The following PSMA5 variants were observed in gnomAD, a reference collection of about 807,000 sequenced individuals.
PSMA5 encodes proteasome subunit alpha type-5.
PSMA5 carries 3 observed loss-of-function variants against 34.5 expected under a neutral mutation model. The observed-to-expected ratio is 0.09, with a 90% CI of 0.04 to 0.22. The LOEUF (loss-of-function observed/expected upper bound fraction) is 0.22. PSMA5 is among the 10% of genes least tolerant of loss of function. The probability of loss-of-function intolerance (pLI) is 1.00; values close to 1 mark genes in which losing one functional copy is unlikely to be tolerated. For missense variants in PSMA5, 120 were observed against 286.1 expected (o/e 0.42, Z 4.19); for synonymous variants, 88 against 95.8 (o/e 0.92, Z 0.47).
intron 2 of PSMA5, among the ~76,000 whole-genome samples, chr1:109,418,263 A>T (rs974078495): frequency 6.6e-6 from 1 of 152,136 alleles, no homozygotes; most frequent in Non-Finnish European, 1.5e-5. Context: ...ATCTCCTAAT[A>T]GGTCTAGACC....
At chr1:109,418,816 C>T (rs187772890) in intron 2 of PSMA5, among the ~76,000 whole-genome samples, 97 of 152,146 alleles carry the variant, frequency 6.4e-4, no homozygotes, top group South Asian at 1.9e-3. Flanking sequence ...AAAACAAGAA[C>T]GGGATGCTAA....
At chr1:109,413,445 C>T (rs994977713) in intron 3 of PSMA5, among the ~76,000 whole-genome samples, 6 of 152,128 alleles carry the variant, frequency 3.9e-5, no homozygotes, top group Admixed American at 1.3e-4. Context: ...TCTTTGTAGA[C>T]GATGATACAT....
At chr1:109,406,707 C>T (rs1420225988) in intron 8 of PSMA5, among the ~76,000 whole-genome samples, 1 of 152,008 alleles carries the variant, frequency 6.6e-6, no homozygotes, top group Non-Finnish European at 1.5e-5. Context: ...AATTCTAGAA[C>T]ACAAAACAAA....
At chr1:109,413,207 T>G in intron 3 of PSMA5, 72 bp from the exon 4 acceptor site, 1 of 1,424,154 alleles carries the variant, frequency 7.0e-7, no homozygotes, top group South Asian at 1.2e-5. Flanking sequence ...CAGGAAATCC[T>G]GAAATTCTGG....
At chr1:109,402,588 AATATAT>A (rs1372471338) in intron 8 of PSMA5, among the ~76,000 whole-genome samples, 3 of 152,228 alleles carry the variant, frequency 2.0e-5, no homozygotes, top group Non-Finnish European at 4.4e-5. Flanking sequence ...ATTAAATGTT[AATATAT>A]ATAAAGTGCT....
intron 3 of PSMA5, among the ~76,000 whole-genome samples, chr1:109,413,783 C>T (rs1654093729): frequency 3.3e-5 from 5 of 152,260 alleles, no homozygotes; most frequent in Middle Eastern, 6.8e-3. Context: ...TTCCAGACCC[C>T]GTCTTCTTCC....
intron 6 of PSMA5, 126 bp from the exon 7 acceptor site, chr1:109,411,239 G>C: frequency 1.6e-6 from 1 of 627,684 alleles, no homozygotes; most frequent in Non-Finnish European, 2.8e-6. Context: ...GAAATATTGA[G>C]GCACAGATCT....
chr1:109,424,696 C>A (rs1266120015), intron 1 of PSMA5, among the ~76,000 whole-genome samples: 3 of 150,030 alleles, frequency 2.0e-5, no homozygotes, highest in African/African-American at 7.4e-5. Context: ...ATTGCTTAAA[C>A]CCAGGCGGCA....
intron 1 of PSMA5, among the ~76,000 whole-genome samples, chr1:109,422,572 A>C (rs954113398): frequency 6.0e-5 from 9 of 150,986 alleles, no homozygotes; most frequent in Non-Finnish European, 1.2e-4. Flanking sequence ...TCCTGGGTTC[A>C]AGCAGTTATC....
rs576359604 is a variant in PSMA5 at position 109,399,780 on chromosome 1, C to G, written c.*2233G>C. 1 of 152,104 alleles carries G rather than the reference C, an allele frequency of 6.6e-6. No individual in the cohort carries two copies. The highest frequency in any genetic ancestry group is 6.5e-5 in the Admixed American group (1 of 15,270). The allele number at this position is 152,104 out of a possible 1,614,324, so 9.4% of individuals were successfully genotyped here. ...TTATTTCACTTTTTAAATTGGAAACCCTAGGAACTATATTTCATTTTTGTC... is the reference window on the plus strand; with the variant it reads ...TTATTTCACTTTTTAAATTGGAAACGCTAGGAACTATATTTCATTTTTGTC... On this transcript the variant is annotated 3_prime_UTR_variant, in exon 9 of 9. Coordinates refer to ENST00000271308, the MANE Select transcript of PSMA5 (RefSeq NM_002790.4).
At chr1:109,424,785 G>A (rs192729627) in intron 1 of PSMA5, among the ~76,000 whole-genome samples, 1 of 152,204 alleles carries the variant, frequency 6.6e-6, no homozygotes, top group Admixed American at 6.5e-5. Context: ...TCAAAAGATC[G>A]AGACCATCCT....
Position 109,421,843 on chromosome 1 carries a change from G to A in PSMA5, c.96+17C>T, listed in dbSNP as rs1314590776. On this transcript the variant is annotated intron_variant, in intron 2 of 8. Transcript: ENST00000271308. ...GTAGCCATGAAATTTCAGGACCTAT[G>A]CTACTTGCTACTATACCTTGATAGC... is the stretch of plus-strand genomic sequence containing the variant. 1 of 1,549,188 alleles carries A rather than the reference G, an allele frequency of 6.5e-7. No individual in the cohort carries two copies. The highest frequency in any genetic ancestry group is 8.7e-7 in the Non-Finnish European group (1 of 1,151,274).
chr1:109,401,965 T>C lies in PSMA5; in HGVS notation c.*48A>G. 6 of 1,407,798 alleles carry C rather than the reference T, an allele frequency of 4.3e-6. No homozygotes were observed. Among genetic ancestry groups the C allele is most frequent in the South Asian group, 2.4e-5 (2 of 83,946 alleles). The allele number at this position is 1,407,798 out of a possible 1,614,324, so 87.2% of individuals were successfully genotyped here. A position where few individuals can be genotyped will look rare whatever the true frequency, so the allele number is the denominator to read the frequency against. ...GAGCTGGAAATAAAATTTAAGGACA[T>C]TATTAGAACTGAAATTGTCCCAGAG... On this transcript the variant is annotated 3_prime_UTR_variant, in exon 9 of 9. Coordinates refer to ENST00000271308, the MANE Select transcript of PSMA5 (RefSeq NM_002790.4).
Position 109,401,942 on chromosome 1 carries a change from G to A in PSMA5, c.*71C>T. 1 of 1,216,522 alleles carries A rather than the reference G, an allele frequency of 8.2e-7. No individual in the cohort carries two copies. Among genetic ancestry groups the A allele is most frequent in the Non-Finnish European group, 1.2e-6 (1 of 839,580 alleles). 75.4% of individuals were successfully genotyped at this position (1,216,522 alleles called of 1,614,324 possible). On this transcript the variant is annotated 3_prime_UTR_variant, in exon 9 of 9. Coordinates refer to ENST00000271308, the MANE Select transcript of PSMA5 (RefSeq NM_002790.4). ...AATGGAGATTTTCCAAGGAACAGGAGCTGGAAATAAAATTTAAGGACATTA... is the reference window on the plus strand; with the variant it reads ...AATGGAGATTTTCCAAGGAACAGGAACTGGAAATAAAATTTAAGGACATTA...
At chr1:109,407,638 TTTTA>T (rs1055945099) in intron 8 of PSMA5, among the ~76,000 whole-genome samples, 5 of 152,084 alleles carry the variant, frequency 3.3e-5, no homozygotes, top group African/African-American at 7.2e-5. Context: ...GGCCTTTAAA[TTTTA>T]TTTATTTATT....
intron 6 of PSMA5, 21 bp downstream of exon 6, chr1:109,411,856 A>G: frequency 6.3e-7 from 1 of 1,595,250 alleles, no homozygotes; most frequent in South Asian, 1.1e-5. Flanking sequence ...GCATGGGGGA[A>G]AATTACAAAA....
In PSMA5 at chr1:109,413,058, C is replaced by T. The variant is rs145919299; in HGVS notation, c.291+10G>A. On this transcript the variant is annotated intron_variant, in intron 4 of 8. Coordinates refer to ENST00000271308, the MANE Select transcript of PSMA5 (RefSeq NM_002790.4). ...GCATCCTGGTAAAAAGGAGATAATGCCAATTTTACCTGTGTCTCCACTCTG... is the reference window on the plus strand; with the variant it reads ...GCATCCTGGTAAAAAGGAGATAATGTCAATTTTACCTGTGTCTCCACTCTG... The T allele has an allele frequency of 3.4e-5, 54 of 1,611,916 alleles. No homozygotes were observed. The highest frequency in any genetic ancestry group is 3.3e-4 in the South Asian group (30 of 90,960).
At chr1:109,421,018 C>CA (rs60663577) in intron 2 of PSMA5, among the ~76,000 whole-genome samples, 6,664 of 87,568 alleles carry the variant, frequency 0.076, 470 homozygotes, top group African/African-American at 0.21. Context: ...ACATCTCTAC[C>CA]AAAAAAAAAA....
chr1:109,404,080 T>C (rs181894118), intron 8 of PSMA5, among the ~76,000 whole-genome samples: 123 of 152,240 alleles, frequency 8.1e-4, no homozygotes, highest in Admixed American at 1.4e-3. Flanking sequence ...TTATGGCACT[T>C]TGGGAGGCTG....
Sources: allele counts gnomAD v4.1 joint callset (sites outside exome capture counted in the v4.1 genomes callset), GRCh38; gene constraint gnomAD v4.1.1; transcripts MANE v1.5; gene names NCBI Gene and HGNC (gene_info 2026-07-23, HGNC 2026-07-21).